AGAP1: variants seen among roughly 807,000 people sequenced by gnomAD.
The protein encoded by AGAP1 is ArfGAP with GTPase domain, ankyrin repeat and PH domain 1.
A neutral mutation model predicts 105.3 loss-of-function variants in AGAP1; 29 were observed. The observed-to-expected ratio is 0.28, with a 90% CI of 0.21 to 0.38. AGAP1 has a LOEUF of 0.38. Among genes scored for constraint, AGAP1 ranks in the 10% least tolerant of loss-of-function variants. The pLI is 1.00. For missense variants in AGAP1, 998 were observed against 1,165.1 expected (o/e 0.86, Z 2.09); for synonymous variants, 509 against 485.9 (o/e 1.05, Z -0.63).
intron 9 of AGAP1, among the ~76,000 whole-genome samples, chr2:235,849,728 C>T (rs1961949077): frequency 6.6e-6 from 1 of 152,194 alleles, no homozygotes; most frequent in Non-Finnish European, 1.5e-5. Context: ...CTCCCTTCCT[C>T]ATGGCCGCTA....
rs956498924 is a variant in AGAP1, at chr2:235,872,422, A to T, written c.1051-10923A>T. 6.6e-6 allele frequency among the ~76,000 whole-genome samples: 1 copy of T among 152,172 alleles called. No individual in the cohort carries two copies. The highest frequency in any genetic ancestry group is 1.5e-5 in the Non-Finnish European group (1 of 68,028). ...GTGGCATCTGAAAGATGGACAAAGTATGCATGGTGACATGCCACCATGCCG... is the reference window on the plus strand; with the variant it reads ...GTGGCATCTGAAAGATGGACAAAGTTTGCATGGTGACATGCCACCATGCCG... On this transcript the variant is annotated intron_variant, in intron 9 of 17. Transcript: ENST00000304032. This position sits in a 1 kb window ranked among gnomAD's most constrained non-coding sequence, Gnocchi z 4.5.
chr2:235,892,304 C>A (rs546842765), intron 10 of AGAP1, among the ~76,000 whole-genome samples: 44 of 152,222 alleles, frequency 2.9e-4, no homozygotes, highest in Non-Finnish European at 5.1e-4. Context: ...AGCTTTTCTT[C>A]TTTTCATTAC....
chr2:235,987,379 A>G (rs1466390158), intron 13 of AGAP1, among the ~76,000 whole-genome samples: 1 of 147,570 alleles, frequency 6.8e-6, no homozygotes, highest in Non-Finnish European at 1.5e-5. Flanking sequence ...TGTCTGTTTG[A>G]TTTTTCTCTC....
intron 1 of AGAP1, among the ~76,000 whole-genome samples, chr2:235,529,854 G>A (rs772162165): frequency 2.0e-5 from 3 of 152,202 alleles, no homozygotes; most frequent in Non-Finnish European, 2.9e-5. Context: ...GGGGTTGTAC[G>A]AGAATTGGGC....
chr2:236,088,732 T>C (rs972474589), intron 16 of AGAP1, among the ~76,000 whole-genome samples: 5 of 152,244 alleles, frequency 3.3e-5, no homozygotes, highest in African/African-American at 1.2e-4. Context: ...CTCTTTTGTT[T>C]GATTTCTGTG....
At chr2:235,765,845 C>T (rs768426606) in intron 6 of AGAP1, among the ~76,000 whole-genome samples, 6 of 152,276 alleles carry the variant, frequency 3.9e-5, no homozygotes, top group African/African-American at 7.2e-5. Context: ...CTCCCATGCC[C>T]GCACCAAGAT....
At chr2:235,585,840 C>T (rs926415421) in intron 1 of AGAP1, among the ~76,000 whole-genome samples, 43 of 152,104 alleles carry the variant, frequency 2.8e-4, no homozygotes, top group Admixed American at 2.6e-3. Flanking sequence ...TGCGCGGACC[C>T]GAAATGAAGG....
At chr2:235,500,994 A>G (rs893249458) in intron 1 of AGAP1, among the ~76,000 whole-genome samples, 1 of 152,174 alleles carries the variant, frequency 6.6e-6, no homozygotes, top group African/African-American at 2.4e-5. Flanking sequence ...ACACCAATCA[A>G]AGAGCCTCAA....
rs557492896 is a variant in AGAP1, at chr2:235,732,771, G to A, written c.311-8192G>A. Among the ~76,000 whole-genome samples, 13 of 152,242 alleles carry A rather than the reference G, an allele frequency of 8.5e-5. No individual in the cohort carries two copies. Among genetic ancestry groups the A allele is most frequent in the African/African-American group, 3.1e-4 (13 of 41,534 alleles). On this transcript the variant is annotated intron_variant, in intron 3 of 17. Coordinates refer to ENST00000304032, the MANE Select transcript of AGAP1 (RefSeq NM_001037131.3). This position sits in a 1 kb window ranked among gnomAD's most constrained non-coding sequence, Gnocchi z 4.8. ...CATTCTGAGTCAAATCTAGGCTGTT[G>A]GGAGCCCGTGACCGCCCTGCTTCCT...
chr2:235,673,022 G>T (rs749775512), intron 1 of AGAP1, among the ~76,000 whole-genome samples: 1 of 152,204 alleles, frequency 6.6e-6, no homozygotes. Context: ...CTACATTATA[G>T]CCATATGGTC....
At chr2:235,671,054 A>G in intron 1 of AGAP1, 1 of 1,268,576 alleles carries the variant, frequency 7.9e-7, no homozygotes. Flanking sequence ...CTCCCCGCGC[A>G]GAGGTGGGCA....
Position 235,824,900 on chromosome 2 carries a change from C to T in AGAP1, c.1050+17569C>T, listed in dbSNP as rs1357641143. ...AAGGAAAGCATGTTTTTATGTCTCA[C>T]GTTTACAGGCGCTTTTCTGATTTTT... On this transcript the variant is annotated intron_variant, in intron 9 of 17. Transcript: ENST00000304032. The surrounding 1 kb of genome is among the most constrained non-coding windows in gnomAD (Gnocchi z 5.2). 2.6e-5 allele frequency among the ~76,000 whole-genome samples: 4 copies of T among 152,148 alleles called. No individual in the cohort carries two copies. The highest frequency in any genetic ancestry group is 2.1e-4 in the South Asian group (1 of 4,824).
intron 1 of AGAP1, among the ~76,000 whole-genome samples, chr2:235,629,620 G>T (rs1347063272): frequency 6.6e-6 from 1 of 151,798 alleles, no homozygotes; most frequent in Non-Finnish European, 1.5e-5. Context: ...TGTAATCCCA[G>T]CACTTTGGAA....
intron 11 of AGAP1, among the ~76,000 whole-genome samples, chr2:235,924,342 G>T (rs1575792174): frequency 1.3e-5 from 2 of 152,202 alleles, no homozygotes; most frequent in Admixed American, 1.3e-4. Flanking sequence ...GGCTGCTCTT[G>T]TGTTACTCTG....
rs566506346 is a variant in AGAP1 at position 235,582,278 on chromosome 2, C to T, written c.163+87429C>T. On this transcript the variant is annotated intron_variant, in intron 1 of 17. Transcript: ENST00000304032. This position sits in a 1 kb window ranked among gnomAD's most constrained non-coding sequence, Gnocchi z 4.7. Reference sequence around the variant, plus strand: ...AGGAGTGTGCTGAGTCTTTCTACCCCGCTGCGTGGTGCTGCCTGCCGAGGT... The same window carrying T: ...AGGAGTGTGCTGAGTCTTTCTACCCTGCTGCGTGGTGCTGCCTGCCGAGGT... Among the ~76,000 whole-genome samples the T allele has an allele frequency of 3.3e-5, 5 of 152,264 alleles. No homozygotes were observed. The highest frequency in any genetic ancestry group is 9.6e-5 in the African/African-American group (4 of 41,562).
At chr2:235,525,947 G>C (rs1942819299) in intron 1 of AGAP1, among the ~76,000 whole-genome samples, 1 of 95,776 alleles carries the variant, frequency 1.0e-5, no homozygotes, top group Non-Finnish European at 2.2e-5. Context: ...TTATAAAGTA[G>C]AGGACTGACA....
intron 1 of AGAP1, among the ~76,000 whole-genome samples, chr2:235,572,883 A>T (rs1238638438): frequency 6.6e-6 from 1 of 152,174 alleles, no homozygotes; most frequent in East Asian, 1.9e-4. Context: ...TGTTGGGGGC[A>T]GGCAAGCAGA....
intron 12 of AGAP1, among the ~76,000 whole-genome samples, chr2:235,950,984 CAA>C (rs770085727): frequency 1.3e-4 from 18 of 138,690 alleles, no homozygotes; most frequent in Admixed American, 1.2e-3. Context: ...GTGGTGCAAA[CAA>C]AGTCAGTTCT....
intron 16 of AGAP1, among the ~76,000 whole-genome samples, chr2:236,111,410 A>G (rs961169979): frequency 6.6e-6 from 1 of 151,968 alleles, no homozygotes; most frequent in African/African-American, 2.4e-5. Context: ...CAACTGCTCA[A>G]GGGGCTGAGG....
Sources: gnomAD v4.1 joint callset for allele counts (sites outside exome capture counted in the v4.1 genomes callset) on GRCh38, gnomAD v4.1.1 for gene constraint, Gnocchi (gnomAD v3.1) non-coding constraint, MANE v1.5 for transcripts, NCBI Gene and HGNC (gene_info 2026-07-23, HGNC 2026-07-21) for gene names.